Variants in KCNJ16 observed in about 807,000 individuals in gnomAD.
The protein encoded by KCNJ16 is inward rectifier potassium channel 16.
In KCNJ16, 15 loss-of-function variants were observed where a neutral mutation model predicts 18.5. That is an observed-to-expected ratio of 0.81 (90% CI 0.54 to 1.25). The LOEUF (loss-of-function observed/expected upper bound fraction) is 1.25, where lower values mean the gene tolerates loss of function less well. KCNJ16 is among the 50% of genes most tolerant of loss of function. The pLI, the probability that KCNJ16 is intolerant of heterozygous loss-of-function variation, is 0.00. For synonymous variants in KCNJ16, 174 were observed against 186.5 expected (o/e 0.93, Z 0.55); for missense variants, 523 against 525.7 (o/e 0.99, Z 0.05).
At chr17:70,084,219 A>G (rs1169868246) in intron 1 of KCNJ16, among the ~76,000 whole-genome samples, 1 of 152,214 alleles carries the variant, frequency 6.6e-6, no homozygotes, top group Non-Finnish European at 1.5e-5. Flanking sequence ...CCATGGCCTG[A>G]AACTATGAAG....
chr17:70,075,606 T>C (rs998603033), intron 1 of KCNJ16, among the ~76,000 whole-genome samples: 9 of 152,192 alleles, frequency 5.9e-5, no homozygotes, highest in Non-Finnish European at 1.2e-4. Flanking sequence ...AAGCTTTGGT[T>C]AAAAGTAGTC....
intron 2 of KCNJ16, chr17:70,128,267 A>C (rs745985808): frequency 1.3e-5 from 2 of 152,226 alleles, no homozygotes; most frequent in Non-Finnish European, 2.9e-5. Context: ...TTTCTCCTTA[A>C]ATACAAAGAT....
chr17:70,099,314 C>T (rs1032798539), intron 1 of KCNJ16, among the ~76,000 whole-genome samples: 1 of 152,042 alleles, frequency 6.6e-6, no homozygotes, highest in Admixed American at 6.6e-5. Flanking sequence ...GGTAAAGAAG[C>T]AACTACAAAA....
intron 2 of KCNJ16, among the ~76,000 whole-genome samples, chr17:70,109,832 G>T (rs2073104425): frequency 6.6e-6 from 1 of 152,048 alleles, no homozygotes; most frequent in Non-Finnish European, 1.5e-5. Context: ...CTAAATAACT[G>T]CTCCCTGCCA....
intron 2 of KCNJ16, chr17:70,101,884 G>A (rs2072642440): frequency 6.6e-6 from 1 of 152,048 alleles, no homozygotes; most frequent in Non-Finnish European, 1.5e-5. Flanking sequence ...TGGATTTTAG[G>A]ACATTTTAGT....
intron 1 of KCNJ16, among the ~76,000 whole-genome samples, chr17:70,075,944 T>C (rs1205006309): frequency 1.4e-5 from 2 of 146,276 alleles, no homozygotes; most frequent in Non-Finnish European, 3.0e-5. Context: ...TCTCCTTTTG[T>C]TTTCACCTTA....
At chr17:70,091,238 C>G (rs928896085) in intron 1 of KCNJ16, among the ~76,000 whole-genome samples, 1 of 152,170 alleles carries the variant, frequency 6.6e-6, no homozygotes, top group Non-Finnish European at 1.5e-5. Flanking sequence ...CATCATCTGT[C>G]ACCATTTCCC....
chr17:70,114,617 C>A (rs1243965402), intron 2 of KCNJ16, among the ~76,000 whole-genome samples: 1 of 152,124 alleles, frequency 6.6e-6, no homozygotes, highest in Non-Finnish European at 1.5e-5. Context: ...AAGCAGGTAA[C>A]TAGTACAAAA....
chr17:70,116,612 A>G (rs1292200452), intron 2 of KCNJ16, among the ~76,000 whole-genome samples: 5 of 152,204 alleles, frequency 3.3e-5, no homozygotes, highest in South Asian at 2.1e-4. Flanking sequence ...TAGTAATTCA[A>G]TTATAGCCTT....
At chr17:70,112,610 T>C (rs1182514563) in intron 2 of KCNJ16, among the ~76,000 whole-genome samples, 1 of 152,162 alleles carries the variant, frequency 6.6e-6, no homozygotes, top group Non-Finnish European at 1.5e-5. Context: ...ATAAATATTA[T>C]CTATCATTTA....
chr17:70,082,063 T>A (rs1393541808), intron 1 of KCNJ16, among the ~76,000 whole-genome samples: 1 of 152,192 alleles, frequency 6.6e-6, no homozygotes, highest in Non-Finnish European at 1.5e-5. Context: ...GTTCTGTTGG[T>A]CACTAGGCAT....
chr17:70,108,503 A>C lies in KCNJ16; in HGVS notation c.-191+7737A>C, dbSNP rs1249817723. 7 of 152,312 alleles carry C rather than the reference A, an allele frequency of 4.6e-5. No homozygotes were observed. The South Asian group carries it at 1.5e-3, about 32-fold the overall frequency. The allele number at this position is 152,312 out of a possible 1,614,324, so 9.4% of individuals were successfully genotyped here. A position where few individuals can be genotyped will look rare whatever the true frequency, so the allele number is the denominator to read the frequency against. On this transcript the variant is annotated intron_variant, in intron 2 of 3. Coordinates refer to ENST00000392671, the MANE Select transcript of KCNJ16 (RefSeq NM_170741.4). ...TCAGTCATTTTGCATGTTGATATCT[A>C]TAAATGACCACATCAACATATCTGC...
intron 3 of KCNJ16, chr17:70,131,401 C>G (rs879102838): frequency 3.2e-5 from 32 of 1,014,732 alleles, no homozygotes; most frequent in Non-Finnish European, 3.8e-5. Context: ...AGTAGTACTC[C>G]TGTCAGTTCT....
At chr17:70,081,616 C>T (rs904335185) in intron 1 of KCNJ16, among the ~76,000 whole-genome samples, 6 of 152,034 alleles carry the variant, frequency 3.9e-5, no homozygotes, top group African/African-American at 1.5e-4. Flanking sequence ...ATTGTGTCAG[C>T]TCATCCCTGT....
chr17:70,102,050 A>G (rs995603362), intron 2 of KCNJ16: 15 of 152,092 alleles, frequency 9.9e-5, no homozygotes, highest in Non-Finnish European at 1.5e-4. Context: ...TGATTGAATT[A>G]TTCATTTTCA....
intron 2 of KCNJ16, among the ~76,000 whole-genome samples, chr17:70,110,480 G>GCACACACACACACACACACA (rs1337834954): frequency 5.4e-4 from 82 of 151,114 alleles, no homozygotes; most frequent in Non-Finnish European, 1.0e-3. Context: ...CACTTCGTGC[G>GCACACACACACACACACACA]CGCACACACA....
intron 1 of KCNJ16, among the ~76,000 whole-genome samples, chr17:70,095,278 T>TGTCTC (rs765061264): frequency 0.83 from 126,753 of 151,996 alleles, 53,006 homozygotes; most frequent in East Asian, 0.96. Context: ...CAAAACAACT[T>TGTCTC]TGACCATAAT....
intron 2 of KCNJ16, among the ~76,000 whole-genome samples, chr17:70,121,332 C>T (rs2073628995): frequency 1.3e-5 from 2 of 152,100 alleles, no homozygotes; most frequent in Admixed American, 6.5e-5. Flanking sequence ...AATATGTAGC[C>T]GCAGACCTTA....
intron 1 of KCNJ16, among the ~76,000 whole-genome samples, chr17:70,079,367 C>A (rs2071451760): frequency 2.0e-5 from 3 of 152,198 alleles, no homozygotes; most frequent in Admixed American, 2.0e-4. Context: ...CTGCTTTTCT[C>A]AAAGTCTACA....
Sources: allele counts gnomAD v4.1 joint callset (sites outside exome capture counted in the v4.1 genomes callset), GRCh38; gene constraint gnomAD v4.1.1; transcripts MANE v1.5; gene names NCBI Gene and HGNC (gene_info 2026-07-23, HGNC 2026-07-21).